LRRC4C: variants seen among roughly 807,000 people sequenced by gnomAD.
The protein encoded by LRRC4C is leucine-rich repeat-containing protein 4C.
In LRRC4C, 5 loss-of-function variants were observed where a neutral mutation model predicts 33.6. The ratio of observed to expected loss-of-function variants is 0.15; its 90% confidence interval spans 0.08 to 0.31. LRRC4C has a LOEUF of 0.31. Ranked by LOEUF, LRRC4C falls within the 10% of genes least tolerant of loss-of-function variation. The pLI is 1.00. For synonymous variants in LRRC4C, 329 were observed against 302.0 expected (o/e 1.09, Z -0.93); for missense variants, 560 against 796.7 (o/e 0.70, Z 3.58).
intron 1 of LRRC4C, among the ~76,000 whole-genome samples, chr11:41,223,671 T>C (rs1041646739): frequency 1.2e-4 from 19 of 152,150 alleles, no homozygotes; most frequent in Non-Finnish European, 2.8e-4. Context: ...TACAAAAAAA[T>C]GTCTTAAGGC....
At chr11:41,128,812 C>A (rs960193389) in intron 1 of LRRC4C, among the ~76,000 whole-genome samples, 2 of 151,870 alleles carry the variant, frequency 1.3e-5, no homozygotes, top group African/African-American at 4.8e-5. Context: ...TCTTTTGGTA[C>A]CATTTTCACT....
rs557660989 is a variant in LRRC4C at position 40,594,942 on chromosome 11, T to C, written c.-270+53200A>G. On this transcript the variant is annotated intron_variant, in intron 3 of 6. Transcript: ENST00000528697. Reference sequence around the variant, plus strand: ...CACAAACACGCCATATGTACACAGATATAACACAAAAAGATTATAATAGAT... The same window carrying C: ...CACAAACACGCCATATGTACACAGACATAACACAAAAAGATTATAATAGAT... Among the ~76,000 whole-genome samples the C allele has an allele frequency of 2.6e-5, 4 of 152,252 alleles. No homozygotes were observed. In the South Asian group the frequency reaches 8.3e-4, roughly 32 times the overall value.
At chr11:40,557,318 T>G (rs1435408559) in intron 3 of LRRC4C, among the ~76,000 whole-genome samples, 1 of 152,110 alleles carries the variant, frequency 6.6e-6, no homozygotes, top group Non-Finnish European at 1.5e-5. Context: ...TACTTGATTG[T>G]CAGAAGGTCA....
chr11:41,343,069 G>T (rs1184177622), intron 1 of LRRC4C, among the ~76,000 whole-genome samples: 4 of 152,070 alleles, frequency 2.6e-5, no homozygotes, highest in African/African-American at 9.7e-5. Flanking sequence ...CTTCTCACTG[G>T]ATTTAGGGCC....
intron 1 of LRRC4C, among the ~76,000 whole-genome samples, chr11:41,170,183 G>A (rs1382647363): frequency 1.3e-5 from 2 of 151,914 alleles, no homozygotes; most frequent in Non-Finnish European, 2.9e-5. Flanking sequence ...TACTGCCCAA[G>A]GTAATTTATA....
At chr11:41,369,522 T>C (rs1952666707) in intron 1 of LRRC4C, among the ~76,000 whole-genome samples, 1 of 151,406 alleles carries the variant, frequency 6.6e-6, no homozygotes, top group Non-Finnish European at 1.5e-5. Flanking sequence ...AACCTGCACA[T>C]GTACCCCTGA....
At chr11:40,244,936 G>T (rs1460034725) in intron 4 of LRRC4C, among the ~76,000 whole-genome samples, 1 of 152,096 alleles carries the variant, frequency 6.6e-6, no homozygotes, top group Admixed American at 6.6e-5. Context: ...TGTATAAATA[G>T]ACTTTTTCCA....
intron 5 of LRRC4C, among the ~76,000 whole-genome samples, chr11:40,151,246 C>A (rs1270415774): frequency 2.0e-5 from 3 of 152,108 alleles, no homozygotes; most frequent in African/African-American, 7.2e-5. Context: ...CTGAGGCATC[C>A]AAACCACAAC....
intron 2 of LRRC4C, among the ~76,000 whole-genome samples, chr11:40,902,133 C>T (rs1207682279): frequency 6.6e-6 from 1 of 151,798 alleles, no homozygotes; most frequent in Non-Finnish European, 1.5e-5. Flanking sequence ...GGCAACCTTG[C>T]ATTGAACAAT....
chr11:40,521,565 A>G (rs1441720706), intron 3 of LRRC4C, among the ~76,000 whole-genome samples: 1 of 152,200 alleles, frequency 6.6e-6, no homozygotes, highest in Non-Finnish European at 1.5e-5. Flanking sequence ...TTAGCCTCAG[A>G]AAATGTACAG....
intron 1 of LRRC4C, among the ~76,000 whole-genome samples, chr11:41,271,282 C>T (rs1949311259): frequency 6.6e-6 from 1 of 152,054 alleles, no homozygotes; most frequent in South Asian, 2.1e-4. Flanking sequence ...ACTCAAACCA[C>T]TCCAAAGGCT....
chr11:41,045,077 AT>A (rs1459910753), intron 1 of LRRC4C, among the ~76,000 whole-genome samples: 1 of 151,568 alleles, frequency 6.6e-6, no homozygotes, highest in East Asian at 1.9e-4. Flanking sequence ...CTCATCACTG[AT>A]TTTTTTTCTC....
chr11:40,887,342 CTT>C (rs1251999029), intron 2 of LRRC4C, among the ~76,000 whole-genome samples: 3 of 151,940 alleles, frequency 2.0e-5, no homozygotes, highest in Non-Finnish European at 4.4e-5. Flanking sequence ...ATTGAACAAA[CTT>C]AGCATCATTT....
intron 3 of LRRC4C, among the ~76,000 whole-genome samples, chr11:40,554,448 CTT>C (rs1957250641): frequency 6.6e-6 from 1 of 151,272 alleles, no homozygotes; most frequent in South Asian, 2.1e-4. Flanking sequence ...TTTGGACTCT[CTT>C]TTGGTTCCCT....
At chr11:41,221,747 T>G (rs1479396256) in intron 1 of LRRC4C, among the ~76,000 whole-genome samples, 1 of 152,162 alleles carries the variant, frequency 6.6e-6, no homozygotes, top group Non-Finnish European at 1.5e-5. Context: ...AAGAATAAAT[T>G]TATACTTGCA....
chr11:41,069,236 C>T lies in LRRC4C; in HGVS notation c.-495-135513G>A, dbSNP rs192047471. Among the ~76,000 whole-genome samples, 359 of 152,260 alleles carry T rather than the reference C, an allele frequency of 2.4e-3. 3 individuals are homozygous for T. The highest frequency in any genetic ancestry group is 8.2e-3 in the African/African-American group (340 of 41,550). ...ATTCAACATCCTTTCATGTTAAAAA[C>T]TCTCAATAAACTAGGTATTGATGGA... On this transcript the variant is annotated intron_variant, in intron 1 of 6. Coordinates refer to ENST00000528697, the MANE Select transcript of LRRC4C (RefSeq NM_001258419.2).
At chr11:40,131,708 C>T (rs576433314) in intron 6 of LRRC4C, among the ~76,000 whole-genome samples, 2 of 152,246 alleles carry the variant, frequency 1.3e-5, no homozygotes, top group African/African-American at 4.8e-5. Flanking sequence ...AGCTTTAGAA[C>T]AGTGTCTTGT....
At chr11:41,217,621 G>A (rs553387636) in intron 1 of LRRC4C, among the ~76,000 whole-genome samples, 51 of 152,108 alleles carry the variant, frequency 3.4e-4, no homozygotes, top group Non-Finnish European at 5.4e-4. Flanking sequence ...TTAGCTATAA[G>A]AATCTTAATA....
At chr11:40,801,570 T>C (rs1951043279) in intron 2 of LRRC4C, among the ~76,000 whole-genome samples, 1 of 152,192 alleles carries the variant, frequency 6.6e-6, no homozygotes, top group South Asian at 2.1e-4. Context: ...ATGCATAGGA[T>C]GTGCTCAAAC....
Sources: allele counts gnomAD v4.1 joint callset (sites outside exome capture counted in the v4.1 genomes callset), GRCh38; gene constraint gnomAD v4.1.1; transcripts MANE v1.5; gene names NCBI Gene and HGNC (gene_info 2026-07-23, HGNC 2026-07-21).